DACH2: variants seen among roughly 807,000 people sequenced by gnomAD.
The protein encoded by DACH2 is dachshund family transcription factor 2, also known as dachshund homolog 2.
In DACH2, 17 loss-of-function variants were observed where a neutral mutation model predicts 35.8. The observed-to-expected ratio is 0.48, with a 90% CI of 0.33 to 0.71. The LOEUF is 0.71. Among genes scored for constraint, DACH2 ranks in the 30% least tolerant of loss-of-function variants. The pLI is 0.02. For missense variants in DACH2, 469 were observed against 472.7 expected (o/e 0.99, Z 0.07); for synonymous variants, 195 against 177.3 (o/e 1.10, Z -0.79).
intron 1 of DACH2, among the ~76,000 whole-genome samples, chrX:86,281,373 C>A (rs1048776006): frequency 9.0e-6 from 1 of 111,670 alleles, no homozygotes; most frequent in Non-Finnish European, 1.9e-5. Context: ...TGTAATCCAT[C>A]ACACGAACAG....
chrX:86,455,263 C>G (rs2037454150), intron 2 of DACH2, among the ~76,000 whole-genome samples: 1 of 111,322 alleles, frequency 9.0e-6, no homozygotes, highest in African/African-American at 3.3e-5. Flanking sequence ...GGAATGGGAT[C>G]AGGGACCTGC....
intron 3 of DACH2, among the ~76,000 whole-genome samples, chrX:86,629,972 A>C (rs188278346): frequency 8.9e-6 from 1 of 111,975 alleles, no homozygotes; most frequent in East Asian, 2.8e-4. Context: ...ACTTTATATA[A>C]ATTTTAAGAA....
chrX:86,294,852 CA>C (rs2034408281), intron 1 of DACH2, among the ~76,000 whole-genome samples: 1 of 109,089 alleles, frequency 9.2e-6, no homozygotes, highest in Non-Finnish European at 1.9e-5. Context: ...TTTAAGTCTG[CA>C]GAGGTTACTG....
intron 2 of DACH2, among the ~76,000 whole-genome samples, chrX:86,495,142 G>C (rs1383479240): frequency 1.8e-5 from 2 of 110,939 alleles, no homozygotes; most frequent in Non-Finnish European, 3.8e-5. Flanking sequence ...CCGCCTCCCA[G>C]TTTCAAGTGA....
At chrX:86,813,612 A>AAAT (rs942331455) in intron 9 of DACH2, among the ~76,000 whole-genome samples, 14 of 95,629 alleles carry the variant, frequency 1.5e-4, no homozygotes, top group South Asian at 4.4e-4. Context: ...ACTCCATCTC[A>AAAT]AATAATAATA....
chrX:86,815,997 C>A (rs1396143414), intron 10 of DACH2, 37 bp from the exon 11 acceptor site: 2 of 1,089,707 alleles, frequency 1.8e-6, no homozygotes, highest in Non-Finnish European at 2.5e-6. Flanking sequence ...CAGGAACCAC[C>A]TAATTGTATA....
intron 5 of DACH2, among the ~76,000 whole-genome samples, chrX:86,704,405 G>A (rs2041184412): frequency 9.0e-6 from 1 of 110,922 alleles, no homozygotes; most frequent in Non-Finnish European, 1.9e-5. Flanking sequence ...TTGTGATTAA[G>A]ACCGAAAAAG....
chrX:86,181,431 C>A (rs543324081), intron 1 of DACH2, among the ~76,000 whole-genome samples: 10 of 110,921 alleles, frequency 9.0e-5, no homozygotes, highest in Admixed American at 8.7e-4. Context: ...TGAAAACATG[C>A]GATGTTTGGT....
chrX:86,176,301 G>A (rs755675996), intron 1 of DACH2, among the ~76,000 whole-genome samples: 13 of 111,394 alleles, frequency 1.2e-4, no homozygotes, highest in African/African-American at 4.2e-4. Flanking sequence ...ATGAATAAAA[G>A]AGATATTGGT....
chrX:86,474,064 G>T (rs892845820), intron 2 of DACH2, among the ~76,000 whole-genome samples: 1 of 111,619 alleles, frequency 9.0e-6, no homozygotes, highest in African/African-American at 3.3e-5. Context: ...ATTTTAACTG[G>T]GGTGAGATGA....
At chrX:86,723,587 T>G (rs1001511583) in intron 6 of DACH2, among the ~76,000 whole-genome samples, 1 of 112,060 alleles carries the variant, frequency 8.9e-6, no homozygotes, top group Non-Finnish European at 1.9e-5. Context: ...TTAATTTCCA[T>G]ATATTTGTAG....
chrX:86,308,163 A>G (rs1449328770), intron 1 of DACH2, among the ~76,000 whole-genome samples: 1 of 112,269 alleles, frequency 8.9e-6, no homozygotes, highest in African/African-American at 3.2e-5. Context: ...TATACCCTTG[A>G]CCCATGCCTT....
At chrX:86,182,994 A>C (rs1332268635) in intron 1 of DACH2, among the ~76,000 whole-genome samples, 1 of 111,755 alleles carries the variant, frequency 8.9e-6, no homozygotes, top group African/African-American at 3.3e-5. Context: ...ATTGGTGTAT[A>C]GGAATACCTG....
chrX:86,661,845 T>G (rs1195910209), intron 4 of DACH2, among the ~76,000 whole-genome samples: 3 of 112,243 alleles, frequency 2.7e-5, no homozygotes, highest in Non-Finnish European at 5.6e-5. Flanking sequence ...ACCATGCATT[T>G]CCTGGATACT....
chrX:86,191,618 AC>A (rs1421947773), intron 1 of DACH2, among the ~76,000 whole-genome samples: 2 of 111,230 alleles, frequency 1.8e-5, no homozygotes, highest in Non-Finnish European at 3.8e-5. Flanking sequence ...GTACCCCTGA[AC>A]CTAAAATAAA....
intron 7 of DACH2, among the ~76,000 whole-genome samples, chrX:86,755,175 T>C (rs1443382615): frequency 8.9e-6 from 1 of 111,901 alleles, no homozygotes; most frequent in African/African-American, 3.2e-5. Context: ...TTTGTGATGT[T>C]GAACATTTTT....
chrX:86,665,902 A>G (rs1234528200), intron 4 of DACH2, among the ~76,000 whole-genome samples: 1 of 111,710 alleles, frequency 9.0e-6, no homozygotes, highest in African/African-American at 3.3e-5. Flanking sequence ...AGATGTGCAT[A>G]CTTCGACATA....
intron 1 of DACH2, among the ~76,000 whole-genome samples, chrX:86,233,608 T>C (rs751469026): frequency 2.7e-5 from 3 of 111,775 alleles, no homozygotes; most frequent in Middle Eastern, 4.6e-3. Context: ...AAGAAAGTTG[T>C]GTCTCTGGGA....
chrX:86,387,488 A>G (rs2036138439), intron 2 of DACH2, among the ~76,000 whole-genome samples: 1 of 111,888 alleles, frequency 8.9e-6, no homozygotes, highest in African/African-American at 3.2e-5. Flanking sequence ...TCACTGGACC[A>G]TCTACTAGCT....
Sources: gnomAD v4.1 joint callset for allele counts (sites outside exome capture counted in the v4.1 genomes callset) on GRCh38, gnomAD v4.1.1 for gene constraint, MANE v1.5 for transcripts, NCBI Gene and HGNC (gene_info 2026-07-23, HGNC 2026-07-21) for gene names.